Variants in PCNX2 observed in about 807,000 individuals in gnomAD.
PCNX2 encodes the protein pecanex-like protein 2.
Under a neutral mutation model 223.8 loss-of-function variants are expected in PCNX2, and 168 were observed. The ratio of observed to expected loss-of-function variants is 0.75; its 90% CI spans 0.66 to 0.85. The LOEUF (loss-of-function observed/expected upper bound fraction) is 0.85. Among genes scored for constraint, PCNX2 ranks in the 40% least tolerant of loss-of-function variants. The probability of loss-of-function intolerance (pLI) is 0.00; values close to 1 mark genes in which losing one functional copy is unlikely to be tolerated. For missense variants in PCNX2, 2,507 were observed against 2,675.5 expected (o/e 0.94, Z 1.39); for synonymous variants, 1,006 against 1,052.6 (o/e 0.96, Z 0.86).
intron 28 of PCNX2, among the ~76,000 whole-genome samples, chr1:233,002,760 C>T (rs1366570485): frequency 1.3e-5 from 2 of 152,166 alleles, no homozygotes; most frequent in Admixed American, 1.3e-4. Flanking sequence ...AACTATACTA[C>T]AAGGCTACAG....
intron 25 of PCNX2, among the ~76,000 whole-genome samples, chr1:233,036,241 C>T (rs1205327721): frequency 6.6e-6 from 1 of 152,112 alleles, no homozygotes; most frequent in Non-Finnish European, 1.5e-5. Context: ...AAGGAACATT[C>T]AGGTCATCTA....
intron 23 of PCNX2, chr1:233,058,292 C>T (rs1672263891): frequency 6.5e-6 from 1 of 152,920 alleles, no homozygotes; most frequent in South Asian, 2.1e-4. Flanking sequence ...CAAAACCTCA[C>T]CAGTCCTTGA....
the PCNX2 span, among the ~76,000 whole-genome samples, chr1:233,317,720 G>A: frequency 6.6e-6 from 1 of 152,116 alleles, no homozygotes; most frequent in African/African-American, 2.4e-5. Flanking sequence ...GTTTCAATAA[G>A]TCCTTCATAA....
At chr1:233,092,977 T>A (rs1009208775) in intron 22 of PCNX2, among the ~76,000 whole-genome samples, 7 of 152,116 alleles carry the variant, frequency 4.6e-5, no homozygotes, top group African/African-American at 1.7e-4. Context: ...TTTTTTGTAT[T>A]TTTAGTAGAG....
At chr1:233,140,896 T>A (rs1020463821) in intron 19 of PCNX2, among the ~76,000 whole-genome samples, 1 of 152,152 alleles carries the variant, frequency 6.6e-6, no homozygotes, top group Non-Finnish European at 1.5e-5. Context: ...ATTGGGAGGC[T>A]GCAGTGGGCC....
At chr1:233,195,721 G>C (rs189069812) in intron 15 of PCNX2, among the ~76,000 whole-genome samples, 1 of 151,948 alleles carries the variant, frequency 6.6e-6, no homozygotes, top group African/African-American at 2.4e-5. Flanking sequence ...GCACAAAAAG[G>C]TGCAATAGTT....
At chr1:233,181,330 G>A (rs927234028) in intron 15 of PCNX2, among the ~76,000 whole-genome samples, 1 of 151,494 alleles carries the variant, frequency 6.6e-6, no homozygotes, top group African/African-American at 2.4e-5. Flanking sequence ...TTCCCAAGTA[G>A]CTGGGATTAC....
chr1:233,225,001 T>C (rs902047575), intron 10 of PCNX2, among the ~76,000 whole-genome samples: 3 of 149,552 alleles, frequency 2.0e-5, no homozygotes, highest in African/African-American at 7.4e-5. Context: ...CTAATGAATG[T>C]GGGGCTTAAA....
At chr1:233,284,208 C>A (rs1212864294) in intron 1 of PCNX2, among the ~76,000 whole-genome samples, 1 of 152,104 alleles carries the variant, frequency 6.6e-6, no homozygotes, top group Middle Eastern at 3.2e-3. Context: ...TAGACAATAC[C>A]ATCATATGAA....
Position 233,206,086 on chromosome 1 carries a change from G to A in PCNX2, c.2863+2432C>T, listed in dbSNP as rs371895207. Among the ~76,000 whole-genome samples the A allele has an allele frequency of 5.3e-5, 8 of 151,946 alleles. No individual in the cohort carries two copies. In the East Asian group the frequency reaches 1.4e-3, roughly 26 times the overall value. ...GAAGGGGATGAGAAAGGGATGAGAA[G>A]GGGCCACAGTAATTACGGCTCCAGC... On this transcript the variant is annotated intron_variant, in intron 13 of 33. Transcript: ENST00000258229.
intron 13 of PCNX2, among the ~76,000 whole-genome samples, chr1:233,206,714 C>T (rs943435047): frequency 1.3e-5 from 2 of 152,076 alleles, no homozygotes; most frequent in Admixed American, 1.3e-4. Context: ...GGTGCGTAAT[C>T]CTTTGGCATT....
In PCNX2 at chr1:233,139,474, TCTA is replaced by T. The variant is rs1440777457; in HGVS notation, c.3659+237_3659+239del. On this transcript the variant is annotated intron_variant, in intron 20 of 33. Coordinates refer to ENST00000258229, the MANE Select transcript of PCNX2 (RefSeq NM_014801.4). This position sits in a 1 kb window ranked among gnomAD's most constrained non-coding sequence, Gnocchi z 4.4. The stretch of plus-strand genomic sequence containing the variant: ...AAGCTTCTGCAGGATGATTTTCAAA[TCTA>T]CTGACATTTATTCACAATATCATTT... 1.3e-5 allele frequency among the ~76,000 whole-genome samples: 2 copies of T among 152,186 alleles called. No homozygotes were observed. The highest frequency in any genetic ancestry group is 2.9e-5 in the Non-Finnish European group (2 of 68,030).
chr1:233,179,858 G>A, intron 15 of PCNX2, among the ~76,000 whole-genome samples: 1 of 152,168 alleles, frequency 6.6e-6, no homozygotes, highest in East Asian at 1.9e-4. Context: ...AACCTTTCAT[G>A]AGCAACTTTC....
At chr1:233,242,419 G>A (rs183859965) in intron 8 of PCNX2, among the ~76,000 whole-genome samples, 2 of 152,278 alleles carry the variant, frequency 1.3e-5, no homozygotes, top group Admixed American at 1.3e-4. Flanking sequence ...TATTTTGTGA[G>A]TTATAGATCC....
At chr1:233,257,931 T>A in intron 5 of PCNX2, 97 bp downstream of exon 5, 1 of 1,439,564 alleles carries the variant, frequency 6.9e-7, no homozygotes, top group Non-Finnish European at 9.2e-7. Context: ...CCAAGAGTTG[T>A]CTCACTATTT....
chr1:233,212,153 A>G (rs1388766955), intron 12 of PCNX2, among the ~76,000 whole-genome samples: 2 of 152,186 alleles, frequency 1.3e-5, no homozygotes, highest in Non-Finnish European at 2.9e-5. Context: ...AAATGTTCAT[A>G]ATGCTCTTTG....
intron 7 of PCNX2, 32 bp downstream of exon 7, chr1:233,252,322 T>C: frequency 6.3e-7 from 1 of 1,578,548 alleles, no homozygotes; most frequent in Non-Finnish European, 8.6e-7. Flanking sequence ...TTTTCCCTGC[T>C]TGTTCATTAG....
At chr1:233,011,859 AGTAAACGT>A (rs780008188) in intron 28 of PCNX2, among the ~76,000 whole-genome samples, 2 of 152,234 alleles carry the variant, frequency 1.3e-5, no homozygotes, top group Non-Finnish European at 2.9e-5. Flanking sequence ...ATAATAAACT[AGTAAACGT>A]GTTTCCCTGG....
intron 25 of PCNX2, among the ~76,000 whole-genome samples, chr1:233,026,789 G>C (rs1342071680): frequency 1.3e-5 from 2 of 152,142 alleles, no homozygotes; most frequent in Non-Finnish European, 2.9e-5. Flanking sequence ...CCTTTGAGTA[G>C]GAGTGAAGGG....
Sources: gnomAD v4.1 joint callset for allele counts (sites outside exome capture counted in the v4.1 genomes callset) on GRCh38, gnomAD v4.1.1 for gene constraint, Gnocchi (gnomAD v3.1) non-coding constraint, MANE v1.5 for transcripts, NCBI Gene and HGNC (gene_info 2026-07-23, HGNC 2026-07-21) for gene names.